Variants in DIAPH3 observed in about 807,000 individuals in gnomAD.
The protein encoded by DIAPH3 is diaphanous related formin 3.
In DIAPH3, 117 loss-of-function variants were observed where a neutral mutation model predicts 144.3. That is an observed-to-expected ratio of 0.81 (90% confidence interval 0.70 to 0.95). The LOEUF (loss-of-function observed/expected upper bound fraction) is 0.95. Ranked by LOEUF, DIAPH3 falls within the 40% of genes least tolerant of loss-of-function variation. The pLI is 0.00. For missense variants in DIAPH3, 1,421 were observed against 1,412.7 expected, an observed-to-expected ratio of 1.01 and a Z score of -0.09; for synonymous variants, 519 against 488.9, an observed-to-expected ratio of 1.06 and a Z score of -0.81.
intron 27 of DIAPH3, among the ~76,000 whole-genome samples, chr13:59,768,909 T>G (rs965874018): frequency 3.3e-5 from 5 of 152,192 alleles, no homozygotes; most frequent in African/African-American, 1.2e-4. Context: ...GCATAATACT[T>G]GTTTGCCTAA....
intron 24 of DIAPH3, among the ~76,000 whole-genome samples, chr13:59,825,763 G>T (rs1257272899): frequency 3.3e-5 from 5 of 152,060 alleles, no homozygotes; most frequent in Middle Eastern, 3.2e-3. Flanking sequence ...TTGTGGTTTT[G>T]ATTTGCATTT....
chr13:59,701,077 A>C (rs2034086990), intron 27 of DIAPH3, among the ~76,000 whole-genome samples: 1 of 152,176 alleles, frequency 6.6e-6, no homozygotes, highest in Non-Finnish European at 1.5e-5. Context: ...GCATGTATGT[A>C]TATTTTATAA....
At chr13:60,117,566 A>G (rs966273863) in intron 2 of DIAPH3, among the ~76,000 whole-genome samples, 2 of 152,112 alleles carry the variant, frequency 1.3e-5, no homozygotes, top group African/African-American at 4.8e-5. Flanking sequence ...TCTGGGCACT[A>G]TAACAAAGCT....
intron 24 of DIAPH3, among the ~76,000 whole-genome samples, chr13:59,819,407 A>G (rs140574276): frequency 1.9e-3 from 289 of 151,944 alleles, no homozygotes; most frequent in African/African-American, 6.5e-3. Context: ...CCACGTTTTT[A>G]AAATAGTTTG....
chr13:60,084,395 G>A (rs1386138806), intron 4 of DIAPH3, among the ~76,000 whole-genome samples: 1 of 151,426 alleles, frequency 6.6e-6, no homozygotes, highest in African/African-American at 2.4e-5. Flanking sequence ...CATTAATGTG[G>A]GAAAGTCACA....
intron 22 of DIAPH3, among the ~76,000 whole-genome samples, chr13:59,854,541 T>A (rs74647394): frequency 2.0e-5 from 3 of 152,158 alleles, no homozygotes; most frequent in Admixed American, 1.3e-4. Context: ...GTTTGCTCTA[T>A]CTACTGCTTA....
chr13:59,808,702 C>A lies in DIAPH3; in HGVS notation c.3163+2086G>T, dbSNP rs114134619. 8.7e-3 allele frequency among the ~76,000 whole-genome samples: 1,331 copies of A among 152,122 alleles called. 20 individuals are homozygous for A. Among genetic ancestry groups the A allele is most frequent in the African/African-American group, 0.031 (1,268 of 41,522 alleles). ...TTGTATATGGCACAACCAGTGGAAT[C>A]AATCATATATATATTAAAAATTATA... On this transcript the variant is annotated intron_variant, in intron 25 of 27. Coordinates refer to ENST00000400324, the MANE Select transcript of DIAPH3 (RefSeq NM_001042517.2).
At chr13:59,961,450 G>A (rs968034856) in intron 17 of DIAPH3, among the ~76,000 whole-genome samples, 16 of 152,296 alleles carry the variant, frequency 1.1e-4, no homozygotes, top group African/African-American at 3.4e-4. Context: ...CATGGTGTTA[G>A]TATTTACAGC....
chr13:60,020,816 T>C, intron 5 of DIAPH3: 1 of 152,324 alleles, frequency 6.6e-6, no homozygotes, highest in South Asian at 2.1e-4. Flanking sequence ...CATAATGCAA[T>C]AAATGCTATA....
chr13:59,999,338 G>A (rs997788704), intron 9 of DIAPH3, among the ~76,000 whole-genome samples: 1 of 151,820 alleles, frequency 6.6e-6, no homozygotes, highest in Non-Finnish European at 1.5e-5. Context: ...TAAAAATATT[G>A]CTTTTTCTAC....
At chr13:59,918,698 A>G (rs2047361482) in intron 18 of DIAPH3, among the ~76,000 whole-genome samples, 1 of 152,198 alleles carries the variant, frequency 6.6e-6, no homozygotes, top group Admixed American at 6.5e-5. Context: ...AACCCTAGAC[A>G]GACTTACTGT....
chr13:59,819,572 T>C (rs1200903128), intron 24 of DIAPH3, among the ~76,000 whole-genome samples: 1 of 151,812 alleles, frequency 6.6e-6, no homozygotes, highest in Non-Finnish European at 1.5e-5. Flanking sequence ...ATACAGTATG[T>C]ATTTCGGGGG....
chr13:59,772,559 A>G (rs1236136672), intron 27 of DIAPH3, among the ~76,000 whole-genome samples: 1 of 152,104 alleles, frequency 6.6e-6, no homozygotes, highest in Non-Finnish European at 1.5e-5. Context: ...AATAAACAGA[A>G]ACATTATGAT....
At chr13:60,035,393 C>T (rs1165908810) in intron 5 of DIAPH3, among the ~76,000 whole-genome samples, 4 of 152,128 alleles carry the variant, frequency 2.6e-5, no homozygotes, top group African/African-American at 4.8e-5. Flanking sequence ...CAGCCTCCTA[C>T]CCCTAGGGAA....
chr13:60,046,004 T>C, intron 4 of DIAPH3, among the ~76,000 whole-genome samples: 1 of 152,242 alleles, frequency 6.6e-6, no homozygotes, highest in East Asian at 1.9e-4. Context: ...ATGTACCTGA[T>C]ATTTTTAGAT....
chr13:59,897,028 G>A (rs2046142681), intron 20 of DIAPH3, among the ~76,000 whole-genome samples: 1 of 152,100 alleles, frequency 6.6e-6, no homozygotes, highest in Non-Finnish European at 1.5e-5. Flanking sequence ...AGAAAGTCTG[G>A]AAGGTAAAAA....
chr13:60,079,756 T>G (rs527495767), intron 4 of DIAPH3, among the ~76,000 whole-genome samples: 2 of 152,008 alleles, frequency 1.3e-5, no homozygotes, highest in Non-Finnish European at 2.9e-5. Flanking sequence ...ATATTTCATG[T>G]GCGGGAAAAA....
At chr13:59,668,419 C>A (rs1033121648) in intron 27 of DIAPH3, among the ~76,000 whole-genome samples, 1 of 152,156 alleles carries the variant, frequency 6.6e-6, no homozygotes, top group South Asian at 2.1e-4. Flanking sequence ...CTCCAACAAA[C>A]CAGTTTATTC....
intron 3 of DIAPH3, among the ~76,000 whole-genome samples, chr13:60,110,227 T>C (rs544185992): frequency 3.9e-5 from 6 of 152,176 alleles, no homozygotes; most frequent in South Asian, 2.1e-4. Context: ...AGAACAATCA[T>C]TGTAAAAATT....
Sources: gnomAD v4.1 joint callset for allele counts (sites outside exome capture counted in the v4.1 genomes callset) on GRCh38, gnomAD v4.1.1 for gene constraint, MANE v1.5 for transcripts, NCBI Gene and HGNC (gene_info 2026-07-23, HGNC 2026-07-21) for gene names.